Variants in MAP9 observed in about 807,000 individuals in gnomAD.
MAP9 encodes microtubule associated protein 9, also known as microtubule-associated protein 9.
MAP9 carries 80 observed loss-of-function variants against 75.2 expected under a neutral mutation model. The ratio of observed to expected loss-of-function variants is 1.06; its 90% CI spans 0.89 to 1.28. MAP9 has a LOEUF of 1.28. Ranked by LOEUF, MAP9 falls within the 50% of genes most tolerant of loss-of-function variation. MAP9 has a pLI of 0.00. For synonymous variants in MAP9, 235 were observed against 237.3 expected, an observed-to-expected ratio of 0.99 and a Z score of 0.09; for missense variants, 753 against 719.9, an observed-to-expected ratio of 1.05 and a Z score of -0.53.
rs1560803547 is a variant in MAP9, at chr4:155,353,000, CCTTT to C, written c.1596_1599del (p.Lys533ArgfsTer24). The C allele has an allele frequency of 2.6e-6, 4 of 1,541,728 alleles. No homozygotes were observed. The highest frequency in any genetic ancestry group is 2.4e-5 in the South Asian group (2 of 82,750). On this transcript the variant is annotated frameshift_variant, in exon 12 of 14. Coordinates refer to ENST00000311277, the MANE Select transcript of MAP9 (RefSeq NM_001039580.2). LOFTEE classifies it high-confidence loss of function. ...TTCTTTGCTCTTTCATATTCTCTCTCCTTTCTATTTTTCTCTTTAAGATATTCCA... is the reference window on the plus strand; with the variant it reads ...TTCTTTGCTCTTTCATATTCTCTCTCCTATTTTTCTCTTTAAGATATTCCA...
rs1044061933 is a variant in MAP9 at position 155,376,759 on chromosome 4, G to C, written c.-65+12C>G. The C allele has an allele frequency of 1.3e-5, 2 of 152,978 alleles. No homozygotes were observed. The highest frequency in any genetic ancestry group is 2.9e-5 in the Non-Finnish European group (2 of 68,296). 9.5% of individuals were successfully genotyped at this position (152,978 alleles called of 1,614,324 possible). A position where few individuals can be genotyped will look rare whatever the true frequency, so the allele number is the denominator to read the frequency against. On this transcript the variant is annotated intron_variant, in intron 1 of 13. Coordinates refer to ENST00000311277, the MANE Select transcript of MAP9 (RefSeq NM_001039580.2). ...AGAATCAAGAGCCAAGCATCGGGTA[G>C]GAGCTGCTCACCTTGGTCTGGGCCT...
Position 155,353,056 on chromosome 4 carries a change from G to C in MAP9, c.1544C>G (p.Ala515Gly), listed in dbSNP as rs777219224. The C allele has an allele frequency of 6.5e-7, 1 of 1,534,380 alleles. No individual in the cohort carries two copies. The highest frequency in any genetic ancestry group is 1.4e-5 in the African/African-American group (1 of 71,220). The change falls in exon 12 of 14, where the codon GCT becomes GGT. Residue 515 changes from alanine to glycine, a missense_variant and splice_region_variant. Ala to Gly is a moderately conservative substitution (Grantham distance 60, BLOSUM62 0). Coordinates refer to ENST00000311277, the MANE Select transcript of MAP9 (RefSeq NM_001039580.2). ...NAARKGEALQ[A>G]FEKWKEKKME... ...CTTTTTCTCTTTCCATTTTTCAAAA[G>C]CCTGAAAAAGTTCAGAATAATTTTC... is the stretch of plus-strand genomic sequence containing the variant.
At chr4:155,353,157 A>AG in intron 11 of MAP9, 22 bp downstream of exon 11, 1 of 1,560,008 alleles carries the variant, frequency 6.4e-7, no homozygotes, top group East Asian at 2.3e-5. Flanking sequence ...AAAATAATTA[A>AG]GATGTGCAAA....
rs1355912332 is a variant in MAP9, at chr4:155,343,147, AAT to A, written c.*4634_*4635del. 5.3e-5 allele frequency: 8 copies of A among 151,738 alleles called. No individual in the cohort carries two copies. Among genetic ancestry groups the A allele is most frequent in the African/African-American group, 1.7e-4 (7 of 41,378 alleles). 9.4% of individuals were successfully genotyped at this position (151,738 alleles called of 1,614,324 possible). A position where few individuals can be genotyped will look rare whatever the true frequency, so the allele number is the denominator to read the frequency against. ...CTCATTCTTATTTCAAATAATAAAAAATATGTGTATGTTTGAAAATATGCACA... is the reference window on the plus strand; with the variant it reads ...CTCATTCTTATTTCAAATAATAAAAAATGTGTATGTTTGAAAATATGCACA... On this transcript the variant is annotated 3_prime_UTR_variant, in exon 14 of 14. Transcript: ENST00000311277.
chr4:155,358,541 T>G (rs1731910032), intron 7 of MAP9, among the ~76,000 whole-genome samples: 1 of 152,152 alleles, frequency 6.6e-6, no homozygotes, highest in Non-Finnish European at 1.5e-5. Flanking sequence ...CACACAGAGC[T>G]GCTAGCTAAT....
intron 13 of MAP9, chr4:155,350,933 TTTC>T (rs1410883456): frequency 6.6e-6 from 1 of 151,986 alleles, no homozygotes. Flanking sequence ...GTCTGGCATG[TTTC>T]TTAAGTTTAT....
chr4:155,364,675 A>G (rs933787004), intron 5 of MAP9, among the ~76,000 whole-genome samples: 1 of 150,806 alleles, frequency 6.6e-6, no homozygotes. Context: ...AGAAAAAGTT[A>G]TAACTCTATT....
intron 8 of MAP9, 86 bp downstream of exon 8, chr4:155,357,363 A>G: frequency 7.9e-6 from 7 of 885,732 alleles, no homozygotes; most frequent in Non-Finnish European, 1.1e-5. Context: ...GTAACACCAA[A>G]TGAAATTTAC....
chr4:155,357,180 T>C (rs1313363349), intron 8 of MAP9: 2 of 354,714 alleles, frequency 5.6e-6, no homozygotes, highest in Middle Eastern at 8.3e-4. Context: ...AAAATATTCC[T>C]AGGACGATCC....
intron 5 of MAP9, among the ~76,000 whole-genome samples, chr4:155,366,117 T>A (rs564046659): frequency 3.1e-4 from 47 of 152,124 alleles, no homozygotes; most frequent in South Asian, 6.2e-4. Context: ...TCCCAACACC[T>A]TGGGAGGCCG....
rs746630849 is a variant in MAP9, at chr4:155,352,623, T to C, written c.1794A>G (p.Gln598=). ...GCCATTTTTCATATTCATTAATAGC[T>C]TGTTTATCTTTATCTTTTTTCTCAG... is the stretch of plus-strand genomic sequence containing the variant. The part of the protein sequence containing the change: ...KRAEKKDKDK[Q]AINEYEKWLE... The change falls in exon 13 of 14, where the codon CAA becomes CAG. Residue 598 remains glutamine, a synonymous_variant. Transcript: ENST00000311277. 2 of 1,553,824 alleles carry C rather than the reference T, an allele frequency of 1.3e-6. No individual in the cohort carries two copies. Among genetic ancestry groups the C allele is most frequent in the Non-Finnish European group, 1.8e-6 (2 of 1,139,604 alleles).
At chr4:155,367,190 G>A (rs945503365) in intron 5 of MAP9, 7 of 152,126 alleles carry the variant, frequency 4.6e-5, no homozygotes, top group Admixed American at 1.3e-4. Context: ...TAGATAAGAT[G>A]AGGACACACT....
At chr4:155,351,149 A>T (rs1011601932) in intron 13 of MAP9, 1 of 151,918 alleles carries the variant, frequency 6.6e-6, no homozygotes, top group Non-Finnish European at 1.5e-5. Flanking sequence ...GTGGCACTGG[A>T]ATCACGAGAC....
chr4:155,367,461 C>A (rs1732383026), intron 5 of MAP9: 1 of 152,216 alleles, frequency 6.6e-6, no homozygotes, highest in African/African-American at 2.4e-5. Context: ...TGATCTTGGA[C>A]TTCTGACCTC....
In MAP9 at chr4:155,368,681, A is replaced by G; in HGVS notation, c.613T>C (p.Leu205=). 2 of 1,614,152 alleles carry G rather than the reference A, an allele frequency of 1.2e-6. No individual in the cohort carries two copies. The highest frequency in any genetic ancestry group is 1.1e-5 in the South Asian group (1 of 91,088). ...EDKETALSEE[L]ELHSAPSSLP... is the part of the protein sequence containing the mutation. The stretch of plus-strand genomic sequence containing the variant: ...GAAGAAGGTGCAGAATGTAACTCCA[A>G]TTCTTCACTGAGGGCAGTTTCTTTA... The change falls in exon 5 of 14, where the codon TTG becomes CTG. Residue 205 remains leucine (L), a synonymous_variant. Transcript: ENST00000311277.
chr4:155,354,470 C>CT (rs11370097), intron 10 of MAP9: 8,673 of 126,402 alleles, frequency 0.069, 841 homozygotes, highest in African/African-American at 0.19. Context: ...CTTGTCGTGC[C>CT]TTTTTTTTTT....
rs111664415 is a variant in MAP9 at position 155,350,062 on chromosome 4, A to T, written c.1822-2157T>A. 202 of 238,864 alleles carry T rather than the reference A, an allele frequency of 8.5e-4. 2 individuals carry two copies. The highest frequency in any genetic ancestry group is 4.5e-3 in the African/African-American group (192 of 42,500). 14.8% of individuals were successfully genotyped at this position (238,864 alleles called of 1,614,324 possible). ...AAGGTAATGATGAATTAATCTGGTA[A>T]TTGGCAAGAAAAATATTTTAGTCTT... On this transcript the variant is annotated intron_variant, in intron 13 of 13. Coordinates refer to ENST00000311277, the MANE Select transcript of MAP9 (RefSeq NM_001039580.2).
chr4:155,348,497 T>C (rs1429847997), intron 13 of MAP9, among the ~76,000 whole-genome samples: 1 of 152,130 alleles, frequency 6.6e-6, no homozygotes, highest in East Asian at 1.9e-4. Context: ...AACTCAAATA[T>C]AGTAACTGTT....
rs2111165955 is a variant in MAP9 at position 155,345,115 on chromosome 4, T to C, written c.*2668A>G. On this transcript the variant is annotated 3_prime_UTR_variant, in exon 14 of 14. Coordinates refer to ENST00000311277, the MANE Select transcript of MAP9 (RefSeq NM_001039580.2). ...ATCATACCTTTTAAATAGGTAAATG[T>C]ATATTCAAGAGAATATTACCAAGCT... is the stretch of plus-strand genomic sequence containing the variant. 1 of 152,150 alleles carries C rather than the reference T, an allele frequency of 6.6e-6. No homozygotes were observed. The highest frequency in any genetic ancestry group is 2.1e-4 in the South Asian group (1 of 4,820). The allele number at this position is 152,150 out of a possible 1,614,324, so 9.4% of individuals were successfully genotyped here.
Sources: allele counts gnomAD v4.1 joint callset (sites outside exome capture counted in the v4.1 genomes callset), GRCh38; gene constraint gnomAD v4.1.1; transcripts MANE v1.5; gene names NCBI Gene and HGNC (gene_info 2026-07-23, HGNC 2026-07-21).